DPYD: variants seen among roughly 807,000 people sequenced by gnomAD.
DPYD encodes dihydropyrimidine dehydrogenase [NADP(+)].
DPYD carries 109 observed loss-of-function variants against 116.2 expected under a neutral mutation model. The ratio of observed to expected loss-of-function variants is 0.94; its 90% CI spans 0.80 to 1.10. The LOEUF (loss-of-function observed/expected upper bound fraction) is 1.10, where lower values mean the gene tolerates loss of function less well. DPYD is among the 50% of genes least tolerant of loss of function. The pLI is 0.00. For missense variants in DPYD, 1,302 were observed against 1,254.5 expected (o/e 1.04, Z -0.57); for synonymous variants, 440 against 432.0 (o/e 1.02, Z -0.23).
intron 14 of DPYD, among the ~76,000 whole-genome samples, chr1:97,395,386 C>T (rs1006731066): frequency 6.6e-6 from 1 of 151,824 alleles, no homozygotes; most frequent in Non-Finnish European, 1.5e-5. Flanking sequence ...TCCCCCACAA[C>T]AATCTTGAAT....
intron 15 of DPYD, among the ~76,000 whole-genome samples, chr1:97,379,344 T>C (rs563293910): frequency 5.3e-5 from 8 of 152,214 alleles, no homozygotes; most frequent in African/African-American, 1.7e-4. Context: ...AGAATTTGGA[T>C]TGGTTGAGAG....
chr1:97,257,315 A>C (rs1663548256), intron 18 of DPYD, among the ~76,000 whole-genome samples: 1 of 151,816 alleles, frequency 6.6e-6, no homozygotes, highest in Non-Finnish European at 1.5e-5. Flanking sequence ...TAAAACATTC[A>C]GATGTATTTA....
At chr1:97,334,790 G>A (rs985881546) in intron 16 of DPYD, among the ~76,000 whole-genome samples, 13 of 152,124 alleles carry the variant, frequency 8.5e-5, no homozygotes, top group African/African-American at 3.1e-4. Flanking sequence ...AAGTCATTTT[G>A]GATATCAGTG....
At chr1:97,817,594 G>A (rs925585366) in intron 3 of DPYD, among the ~76,000 whole-genome samples, 4 of 151,866 alleles carry the variant, frequency 2.6e-5, no homozygotes, top group East Asian at 1.9e-4. Flanking sequence ...AAATGCCAAC[G>A]TGCTTATAAA....
chr1:97,414,602 T>C (rs1162419473), intron 14 of DPYD, among the ~76,000 whole-genome samples: 1 of 152,256 alleles, frequency 6.6e-6, no homozygotes, highest in Non-Finnish European at 1.5e-5. Flanking sequence ...AATACACTCT[T>C]GCCTTAACAG....
chr1:97,565,093 C>T (rs983131597), intron 11 of DPYD, among the ~76,000 whole-genome samples: 13 of 152,116 alleles, frequency 8.5e-5, no homozygotes, highest in Admixed American at 5.2e-4. Context: ...GGTTCTCAGT[C>T]GCCCCTGATA....
intron 7 of DPYD, among the ~76,000 whole-genome samples, chr1:97,684,930 G>A (rs1660636494): frequency 6.6e-6 from 1 of 152,116 alleles, no homozygotes; most frequent in Non-Finnish European, 1.5e-5. Context: ...ATAGAAGCTG[G>A]TACCATTTCT....
intron 8 of DPYD, among the ~76,000 whole-genome samples, chr1:97,656,824 T>TA (rs1441040150): frequency 2.0e-5 from 3 of 151,758 alleles, no homozygotes; most frequent in East Asian, 1.9e-4. Flanking sequence ...TTTTATTTTT[T>TA]TTTTTTTCAA....
chr1:97,635,293 G>C (rs535866883), intron 8 of DPYD, among the ~76,000 whole-genome samples: 1 of 152,216 alleles, frequency 6.6e-6, no homozygotes, highest in African/African-American at 2.4e-5. Flanking sequence ...ATTCCCAAAA[G>C]GCTGAACCTG....
At chr1:97,467,013 C>A (rs529487821) in intron 13 of DPYD, among the ~76,000 whole-genome samples, 3 of 152,250 alleles carry the variant, frequency 2.0e-5, no homozygotes, top group African/African-American at 7.2e-5. Context: ...AAATTCCAGG[C>A]ACCTAGCTAG....
rs774290851 is a variant in DPYD at position 97,450,146 on chromosome 1, G to C, written c.1818C>G (p.Ser606=). The change falls in exon 14 of 23, where the codon TCC becomes TCG. Residue 606 remains serine, a synonymous_variant. Coordinates refer to ENST00000370192, the MANE Select transcript of DPYD (RefSeq NM_000110.4). ...CACTGATGAGCTCAATATTCAGAAA[G>C]GAGCTTTGTCCAGGGCCATACATGG... ...SGPMYGPGQS[S]FLNIELISEK... The C allele has an allele frequency of 6.2e-7, 1 of 1,613,982 alleles. No homozygotes were observed. The highest frequency in any genetic ancestry group is 1.7e-5 in the Admixed American group (1 of 59,966).
chr1:97,209,055 T>G lies in DPYD; in HGVS notation c.2443-15807A>C, dbSNP rs140300173. On this transcript the variant is annotated intron_variant, in intron 19 of 22. Coordinates refer to ENST00000370192, the MANE Select transcript of DPYD (RefSeq NM_000110.4). ...TGATCATATCTTTGTTGTAAACAAT[T>G]AACTTAATCACACACAGATAAACAT... is the stretch of plus-strand genomic sequence containing the variant. Among the ~76,000 whole-genome samples, 10 of 152,220 alleles carry G rather than the reference T, an allele frequency of 6.6e-5. No individual in the cohort carries two copies. The East Asian group carries it at 1.9e-3, about 29-fold the overall frequency.
intron 6 of DPYD, among the ~76,000 whole-genome samples, chr1:97,692,104 T>G (rs1164857751): frequency 6.6e-6 from 1 of 152,130 alleles, no homozygotes; most frequent in Non-Finnish European, 1.5e-5. Context: ...AGTATTTGGT[T>G]GATTTATTTA....
chr1:97,257,428 T>A (rs1220303691), intron 18 of DPYD, among the ~76,000 whole-genome samples: 1 of 128,728 alleles, frequency 7.8e-6, no homozygotes, highest in Non-Finnish European at 1.5e-5. Flanking sequence ...AAAGTACATA[T>A]ACATACGTAT....
At chr1:97,595,418 A>C (rs1038357421) in intron 8 of DPYD, among the ~76,000 whole-genome samples, 5 of 152,106 alleles carry the variant, frequency 3.3e-5, no homozygotes, top group African/African-American at 1.2e-4. Context: ...ATATGGAAAC[A>C]TATGTATATA....
intron 5 of DPYD, among the ~76,000 whole-genome samples, chr1:97,716,583 T>A (rs1012703098): frequency 2.5e-4 from 38 of 152,078 alleles, no homozygotes; most frequent in Non-Finnish European, 4.6e-4. Context: ...TGGCTTTCTG[T>A]AGAGAATCCA....
At chr1:97,484,835 G>T (rs547179550) in intron 13 of DPYD, among the ~76,000 whole-genome samples, 2 of 152,004 alleles carry the variant, frequency 1.3e-5, no homozygotes, top group Admixed American at 6.6e-5. Flanking sequence ...TTTATTCATG[G>T]AGTTAGTATA....
At chr1:97,697,705 T>G (rs1203700598) in intron 6 of DPYD, among the ~76,000 whole-genome samples, 1 of 151,918 alleles carries the variant, frequency 6.6e-6, no homozygotes, top group Non-Finnish European at 1.5e-5. Flanking sequence ...AGCAAATAAA[T>G]TTAAAAAAAA....
At chr1:97,916,291 C>T (rs1432898186) in intron 1 of DPYD, among the ~76,000 whole-genome samples, 4 of 152,086 alleles carry the variant, frequency 2.6e-5, no homozygotes, top group African/African-American at 9.7e-5. Flanking sequence ...CCCAGTAACT[C>T]GTCATTTAAC....
Sources: allele counts gnomAD v4.1 joint callset (sites outside exome capture counted in the v4.1 genomes callset), GRCh38; gene constraint gnomAD v4.1.1; transcripts MANE v1.5; gene names NCBI Gene and HGNC (gene_info 2026-07-23, HGNC 2026-07-21).